Variants in EYS observed in about 807,000 individuals in gnomAD.
The protein encoded by EYS is EGF-like photoreceptor maintenance factor.
In EYS, 250 loss-of-function variants were observed where a neutral mutation model predicts 282.1. The ratio of observed to expected loss-of-function variants is 0.89; its 90% CI spans 0.80 to 0.98. EYS has a LOEUF of 0.98. Among genes scored for constraint, EYS ranks in the 50% least tolerant of loss-of-function variants. The probability of loss-of-function intolerance (pLI) is 0.00; values close to 1 mark genes in which losing one functional copy is unlikely to be tolerated. For missense variants in EYS, 4,016 were observed against 3,709.0 expected, an observed-to-expected ratio of 1.08 and a Z score of -2.15; for synonymous variants, 1,355 against 1,282.9, an observed-to-expected ratio of 1.06 and a Z score of -1.20.
intron 22 of EYS, among the ~76,000 whole-genome samples, chr6:64,785,150 A>G (rs1773978198): frequency 6.6e-6 from 1 of 152,202 alleles, no homozygotes; most frequent in Admixed American, 6.5e-5. Context: ...GTTCTAATGC[A>G]TATTTAAGCC....
chr6:64,214,937 ATAAG>A (rs1475472472), intron 31 of EYS, among the ~76,000 whole-genome samples: 1 of 152,038 alleles, frequency 6.6e-6, no homozygotes. Context: ...GATTGAGATA[ATAAG>A]TAAAATTTGT....
intron 22 of EYS, among the ~76,000 whole-genome samples, chr6:64,764,986 C>A (rs758479492): frequency 6.6e-6 from 1 of 152,216 alleles, no homozygotes; most frequent in Admixed American, 6.5e-5. Flanking sequence ...TACCACCTAC[C>A]TTGGCCTCCC....
chr6:63,852,333 C>A (rs990755157), intron 36 of EYS, among the ~76,000 whole-genome samples: 1 of 151,996 alleles, frequency 6.6e-6, no homozygotes, highest in African/African-American at 2.4e-5. Context: ...AAACTACCAT[C>A]AGGTAATACT....
intron 33 of EYS, among the ~76,000 whole-genome samples, chr6:64,025,925 T>C (rs1769483262): frequency 6.6e-6 from 1 of 152,118 alleles, no homozygotes; most frequent in African/African-American, 2.4e-5. Context: ...CGAGAATGCA[T>C]CAGTAAGGGC....
At chr6:64,810,962 A>G (rs1764573892) in intron 22 of EYS, among the ~76,000 whole-genome samples, 1 of 152,124 alleles carries the variant, frequency 6.6e-6, no homozygotes, top group Admixed American at 6.6e-5. Flanking sequence ...TTTAGAGAAC[A>G]CAAAATAGAA....
intron 2 of EYS, among the ~76,000 whole-genome samples, chr6:65,537,285 A>T (rs2127316344): frequency 6.6e-6 from 1 of 152,286 alleles, no homozygotes; most frequent in East Asian, 1.9e-4. Flanking sequence ...AACATGGCAC[A>T]TGTATACCTA....
chr6:64,685,781 A>G (rs1288420362), intron 22 of EYS, among the ~76,000 whole-genome samples: 1 of 152,190 alleles, frequency 6.6e-6, no homozygotes, highest in African/African-American at 2.4e-5. Flanking sequence ...TATACTTCAG[A>G]ATACACTATT....
chr6:65,345,948 C>T (rs1055558673), intron 9 of EYS, among the ~76,000 whole-genome samples: 3 of 151,776 alleles, frequency 2.0e-5, no homozygotes, highest in Non-Finnish European at 4.4e-5. Context: ...GAATCTGATA[C>T]TAAGGTGGGC....
chr6:63,739,757 G>A (rs566526229), intron 41 of EYS, among the ~76,000 whole-genome samples: 40 of 152,038 alleles, frequency 2.6e-4, no homozygotes, highest in Admixed American at 9.8e-4. Flanking sequence ...GCAGTGGTGT[G>A]ATCTTGGCTC....
rs1231364965 is a variant in EYS, at chr6:65,443,311, CAT to C, written c.863-37946_863-37945del. Among the ~76,000 whole-genome samples, 17 of 106,096 alleles carry C rather than the reference CAT, an allele frequency of 1.6e-4. 2 individuals carry two copies. The highest frequency in any genetic ancestry group is 1.1e-3 in the Admixed American group (10 of 8,964). 69.6% of individuals were successfully genotyped at this position (106,096 alleles called of 152,430 possible). On this transcript the variant is annotated intron_variant, in intron 5 of 42. Transcript: ENST00000503581. Reference sequence around the variant, plus strand: ...GCATATATGCATACATGTGTGTACACATATAGACATATATGCATACATGTATG... The same window carrying C: ...GCATATATGCATACATGTGTGTACACATAGACATATATGCATACATGTATG...
chr6:65,008,708 A>G (rs1481927452), intron 13 of EYS, among the ~76,000 whole-genome samples: 1 of 152,188 alleles, frequency 6.6e-6, no homozygotes, highest in Admixed American at 6.5e-5. Flanking sequence ...GTCAGAAGCC[A>G]CTAACCAGAT....
At chr6:64,995,208 T>C (rs559934349) in intron 14 of EYS, among the ~76,000 whole-genome samples, 24 of 152,276 alleles carry the variant, frequency 1.6e-4, no homozygotes, top group Admixed American at 1.4e-3. Context: ...ACAAGGCTTA[T>C]GTGAGCTTCC....
At chr6:65,350,479 A>C (rs1000549372) in intron 9 of EYS, among the ~76,000 whole-genome samples, 2 of 151,680 alleles carry the variant, frequency 1.3e-5, no homozygotes, top group African/African-American at 4.8e-5. Context: ...TTATTTAAAA[A>C]AAAAGTTCAC....
chr6:65,560,338 T>C (rs1769001952), intron 2 of EYS, among the ~76,000 whole-genome samples: 1 of 142,926 alleles, frequency 7.0e-6, no homozygotes, highest in African/African-American at 2.6e-5. Context: ...ATATAATATG[T>C]TATATATTGT....
intron 13 of EYS, 116 bp downstream of exon 13, chr6:65,057,498 A>T: frequency 1.4e-6 from 1 of 722,954 alleles, no homozygotes; most frequent in South Asian, 1.6e-5. Flanking sequence ...AGCTGACTTT[A>T]AGAAAATGAA....
At chr6:65,324,224 T>C (rs1446405751) in intron 11 of EYS, among the ~76,000 whole-genome samples, 1 of 152,084 alleles carries the variant, frequency 6.6e-6, no homozygotes, top group Non-Finnish European at 1.5e-5. Context: ...CTGGCTTTTA[T>C]TTGTTTATTT....
At chr6:64,023,793 G>A (rs530026813) in intron 33 of EYS, among the ~76,000 whole-genome samples, 3 of 152,232 alleles carry the variant, frequency 2.0e-5, no homozygotes, top group Admixed American at 6.5e-5. Flanking sequence ...GCGCGGGTGG[G>A]AACTGGGGCT....
chr6:64,775,725 T>A (rs1773659086), intron 22 of EYS, among the ~76,000 whole-genome samples: 1 of 152,064 alleles, frequency 6.6e-6, no homozygotes, highest in Non-Finnish European at 1.5e-5. Context: ...ATTATAAAAA[T>A]TTCCAATATC....
intron 33 of EYS, among the ~76,000 whole-genome samples, chr6:64,055,683 C>T (rs1326721284): frequency 1.3e-5 from 2 of 152,120 alleles, no homozygotes; most frequent in African/African-American, 2.4e-5. Flanking sequence ...CACATCTATA[C>T]AATTAGAATT....
Sources: gnomAD v4.1 joint callset for allele counts (sites outside exome capture counted in the v4.1 genomes callset) on GRCh38, gnomAD v4.1.1 for gene constraint, MANE v1.5 for transcripts, NCBI Gene and HGNC (gene_info 2026-07-23, HGNC 2026-07-21) for gene names.